The following PRKG1 variants were observed in gnomAD, a reference collection of about 807,000 sequenced individuals.
PRKG1 encodes protein kinase cGMP-dependent 1.
Under a neutral mutation model 88.1 loss-of-function variants are expected in PRKG1, and 35 were observed. The ratio of observed to expected loss-of-function variants is 0.40; its 90% CI spans 0.30 to 0.53. The LOEUF is 0.53. Ranked by LOEUF, PRKG1 falls within the 20% of genes least tolerant of loss-of-function variation. The pLI is 0.59. For missense variants in PRKG1, 540 were observed against 839.8 expected, an observed-to-expected ratio of 0.64 and a Z score of 4.41; for synonymous variants, 303 against 292.5, an observed-to-expected ratio of 1.04 and a Z score of -0.37.
intron 9 of PRKG1, among the ~76,000 whole-genome samples, chr10:52,240,549 TA>T (rs1378983449): frequency 6.6e-6 from 1 of 152,182 alleles, no homozygotes; most frequent in Non-Finnish European, 1.5e-5. Flanking sequence ...AAACAAGTTT[TA>T]TTGATACACC....
At chr10:51,093,737 A>T (rs1400211811) in intron 1 of PRKG1, among the ~76,000 whole-genome samples, 1 of 146,252 alleles carries the variant, frequency 6.8e-6, no homozygotes, top group African/African-American at 2.5e-5. Flanking sequence ...TGTATTTTAT[A>T]TATATATTTA....
intron 1 of PRKG1, among the ~76,000 whole-genome samples, chr10:51,107,184 T>G (rs552584564): frequency 6.6e-6 from 1 of 152,244 alleles, no homozygotes; most frequent in African/African-American, 2.4e-5. Flanking sequence ...AAGCTTCGTG[T>G]ACATGAGGGC....
chr10:51,932,775 G>T (rs1842721517), intron 5 of PRKG1, among the ~76,000 whole-genome samples: 1 of 152,052 alleles, frequency 6.6e-6, no homozygotes, highest in Admixed American at 6.6e-5. Context: ...GTTTCAATGA[G>T]GAGCTTTCAG....
chr10:52,252,492 C>T (rs1263541555), intron 10 of PRKG1: 2 of 152,038 alleles, frequency 1.3e-5, no homozygotes, highest in Admixed American at 1.3e-4. Flanking sequence ...AGAGGAGTTC[C>T]TGATATCAGA....
intron 1 of PRKG1, among the ~76,000 whole-genome samples, chr10:51,081,270 G>A (rs1182411083): frequency 2.0e-5 from 3 of 152,200 alleles, no homozygotes; most frequent in Admixed American, 6.5e-5. Context: ...AAGAAAGGGC[G>A]AAACGAGATG....
chr10:50,992,692 A>G (rs1307069714), intron 1 of PRKG1, among the ~76,000 whole-genome samples: 1 of 152,128 alleles, frequency 6.6e-6, no homozygotes, highest in Non-Finnish European at 1.5e-5. Flanking sequence ...GGCCACAAGT[A>G]GGAAGCTTTT....
chr10:51,262,962 A>G (rs2092901276), intron 2 of PRKG1, among the ~76,000 whole-genome samples: 1 of 152,204 alleles, frequency 6.6e-6, no homozygotes, highest in Non-Finnish European at 1.5e-5. Flanking sequence ...CTATCAGCCC[A>G]CATAAGAGTC....
chr10:51,510,911 T>TA lies in PRKG1; in HGVS notation c.592+43075_592+43076insA, dbSNP rs549102666. 2.5e-4 allele frequency among the ~76,000 whole-genome samples: 36 copies of TA among 144,998 alleles called. No homozygotes were observed. The South Asian group carries it at 4.3e-3, about 17-fold the overall frequency. On this transcript the variant is annotated intron_variant, in intron 3 of 17. Coordinates refer to ENST00000373980, the MANE Select transcript of PRKG1 (RefSeq NM_006258.4). ...GGCGCCCACCACCACACCAGCTTAT[T>TA]TTTTTTTTTTTTTGTATTTTTAGTA... is the stretch of plus-strand genomic sequence containing the variant.
At chr10:51,653,986 A>G (rs1336597036) in intron 3 of PRKG1, among the ~76,000 whole-genome samples, 1 of 152,084 alleles carries the variant, frequency 6.6e-6, no homozygotes, top group Non-Finnish European at 1.5e-5. Context: ...TCCCAATTCC[A>G]AGATTATGTG....
At chr10:51,158,603 A>G (rs1326288774) in intron 2 of PRKG1, among the ~76,000 whole-genome samples, 1 of 151,982 alleles carries the variant, frequency 6.6e-6, no homozygotes, top group East Asian at 1.9e-4. Context: ...TAAACTTCAT[A>G]CTGACCTCTC....
chr10:51,779,683 C>A (rs1471264145), intron 3 of PRKG1, among the ~76,000 whole-genome samples: 1 of 152,102 alleles, frequency 6.6e-6, no homozygotes, highest in Non-Finnish European at 1.5e-5. Context: ...CCATTTAGCT[C>A]TGATGGCACC....
intron 1 of PRKG1, among the ~76,000 whole-genome samples, chr10:51,103,422 T>TA (rs1227728076): frequency 3.3e-5 from 5 of 151,848 alleles, no homozygotes; most frequent in African/African-American, 9.7e-5. Context: ...TTCTTCGAGC[T>TA]AAAAAAAAGC....
chr10:51,008,598 CT>C (rs1384895756), intron 1 of PRKG1, among the ~76,000 whole-genome samples: 1 of 152,126 alleles, frequency 6.6e-6, no homozygotes, highest in Non-Finnish European at 1.5e-5. Context: ...GTATGTGTGT[CT>C]AAATTCCCCT....
chr10:51,507,911 T>A (rs931712233), intron 3 of PRKG1, among the ~76,000 whole-genome samples: 2 of 152,180 alleles, frequency 1.3e-5, no homozygotes. Context: ...TTTTAGGAAA[T>A]ACAAAGGTAA....
chr10:51,579,773 TCTC>T (rs1217187417), intron 3 of PRKG1, among the ~76,000 whole-genome samples: 4 of 152,104 alleles, frequency 2.6e-5, no homozygotes, highest in Admixed American at 6.6e-5. Flanking sequence ...TCAATAAAGT[TCTC>T]CTATGACTAT....
rs34091409 is a variant in PRKG1, at chr10:51,531,637, C to CTTTT, written c.592+63824_592+63827dup. Among the ~76,000 whole-genome samples the CTTTT allele has an allele frequency of 1.9e-3, 130 of 67,860 alleles. 18 individuals carry two copies. Among genetic ancestry groups the CTTTT allele is most frequent in the African/African-American group, 5.1e-3 (85 of 16,670 alleles). The allele number at this position is 67,860 out of a possible 152,430, so 44.5% of individuals were successfully genotyped here. A position where few individuals can be genotyped will look rare whatever the true frequency, so the allele number is the denominator to read the frequency against. Reference sequence around the variant, plus strand: ...ATTGTTTCGGACTACAAAAAGAATTCTTTTTTTTTTTTTTTTTTTTTTTTT... The same window carrying CTTTT: ...ATTGTTTCGGACTACAAAAAGAATTCTTTTTTTTTTTTTTTTTTTTTTTTTTTTT... On this transcript the variant is annotated intron_variant, in intron 3 of 17. Coordinates refer to ENST00000373980, the MANE Select transcript of PRKG1 (RefSeq NM_006258.4).
At chr10:51,816,329 A>C (rs2132633058) in intron 4 of PRKG1, among the ~76,000 whole-genome samples, 1 of 152,280 alleles carries the variant, frequency 6.6e-6, no homozygotes, top group East Asian at 1.9e-4. Context: ...TCATTCTGTT[A>C]ATTTATCAGG....
chr10:52,211,266 G>A (rs923772688), intron 9 of PRKG1, among the ~76,000 whole-genome samples: 2 of 152,124 alleles, frequency 1.3e-5, no homozygotes, highest in African/African-American at 4.8e-5. Flanking sequence ...GCACTGCAAG[G>A]TCTTTGATAC....
At chr10:51,802,843 G>T (rs190944509) in intron 3 of PRKG1, among the ~76,000 whole-genome samples, 1 of 152,218 alleles carries the variant, frequency 6.6e-6, no homozygotes, top group East Asian at 1.9e-4. Context: ...TTAAAATGCT[G>T]CAGATAGCTT....
Sources: allele counts gnomAD v4.1 joint callset (sites outside exome capture counted in the v4.1 genomes callset), GRCh38; gene constraint gnomAD v4.1.1; transcripts MANE v1.5; gene names NCBI Gene and HGNC (gene_info 2026-07-23, HGNC 2026-07-21).